Variants in CA8 observed in about 807,000 individuals in gnomAD.
CA8 encodes the protein carbonic anhydrase 8 (inactive), also known as carbonic anhydrase-related protein.
In CA8, 22 loss-of-function variants were observed where a neutral mutation model predicts 41.4. That is an observed-to-expected ratio of 0.53 (90% confidence interval 0.38 to 0.76). CA8 has a LOEUF of 0.76. Ranked by LOEUF, CA8 falls within the 30% of genes least tolerant of loss-of-function variation. CA8 has a pLI of 0.00. For missense variants in CA8, 270 were observed against 352.8 expected (o/e 0.77, Z 1.88); for synonymous variants, 121 against 130.6 (o/e 0.93, Z 0.50).
rs1204463169 is a variant in CA8 at position 60,232,290 on chromosome 8, A to G, written c.507T>C (p.Phe169=). The part of the protein sequence containing the change: ...KPHGIAIIAL[F]VQIGKEHVGL... ...ATCACAGCAGACCGTTTACCTGAAC[A>G]AACAGAGCAATGATGGCGATTCCGT... is the stretch of plus-strand genomic sequence containing the variant. The change falls in exon 4 of 9, where the codon TTT becomes TTC. Residue 169 remains phenylalanine, a synonymous_variant. Coordinates refer to ENST00000317995, the MANE Select transcript of CA8 (RefSeq NM_004056.6). 8.7e-6 allele frequency: 14 copies of G among 1,611,420 alleles called. No homozygotes were observed. The highest frequency in any genetic ancestry group is 1.1e-5 in the Non-Finnish European group (13 of 1,177,608).
intron 7 of CA8, among the ~76,000 whole-genome samples, chr8:60,219,027 A>G (rs1807133284): frequency 6.6e-6 from 1 of 151,908 alleles, no homozygotes; most frequent in South Asian, 2.1e-4. Flanking sequence ...AGTTTAGAAG[A>G]GTCTTAGAAA....
At chr8:60,199,275 C>A (rs1291716177) in intron 8 of CA8, among the ~76,000 whole-genome samples, 3 of 151,942 alleles carry the variant, frequency 2.0e-5, no homozygotes, top group Non-Finnish European at 2.9e-5. Flanking sequence ...TATCAGACAA[C>A]AAAGGTTTAT....
At chr8:60,244,879 T>A (rs917942216) in intron 3 of CA8, among the ~76,000 whole-genome samples, 2 of 152,182 alleles carry the variant, frequency 1.3e-5, no homozygotes, top group African/African-American at 2.4e-5. Context: ...ACCTGTTTAT[T>A]AGAAATAGGG....
chr8:60,235,409 G>A (rs967870599), intron 3 of CA8, among the ~76,000 whole-genome samples: 4 of 152,124 alleles, frequency 2.6e-5, no homozygotes, highest in South Asian at 2.1e-4. Context: ...TCCAAATACA[G>A]CCACAGTCTG....
At chr8:60,204,171 T>C (rs1806510752) in intron 8 of CA8, among the ~76,000 whole-genome samples, 2 of 152,250 alleles carry the variant, frequency 1.3e-5, no homozygotes, top group Admixed American at 1.3e-4. Context: ...TTGCTGATAC[T>C]TGAAAGCCAT....
intron 5 of CA8, among the ~76,000 whole-genome samples, chr8:60,226,023 C>T (rs1350805059): frequency 6.6e-6 from 1 of 152,206 alleles, no homozygotes; most frequent in East Asian, 1.9e-4. Flanking sequence ...TAGGCCATAT[C>T]ATGGCAGGGT....
chr8:60,233,191 A>G (rs1010805059), intron 3 of CA8, among the ~76,000 whole-genome samples: 3 of 152,250 alleles, frequency 2.0e-5, no homozygotes, highest in African/African-American at 7.2e-5. Context: ...TATTACCTTC[A>G]TCACTATAGC....
intron 3 of CA8, among the ~76,000 whole-genome samples, chr8:60,242,182 A>G (rs915885131): frequency 6.6e-6 from 1 of 152,234 alleles, no homozygotes; most frequent in African/African-American, 2.4e-5. Flanking sequence ...TGCACAATCG[A>G]AATGTTAAAG....
chr8:60,233,278 C>T (rs1807721426), intron 3 of CA8, among the ~76,000 whole-genome samples: 1 of 152,188 alleles, frequency 6.6e-6, no homozygotes, highest in Non-Finnish European at 1.5e-5. Flanking sequence ...AAAGACATAG[C>T]TAAAATTCAA....
intron 8 of CA8, among the ~76,000 whole-genome samples, chr8:60,192,424 T>C (rs1270750092): frequency 6.6e-6 from 1 of 152,154 alleles, no homozygotes; most frequent in South Asian, 2.1e-4. Context: ...TTTTGGTTGA[T>C]TTTAAAATCA....
chr8:60,217,358 G>A (rs1478705604), intron 7 of CA8, among the ~76,000 whole-genome samples: 2 of 152,126 alleles, frequency 1.3e-5, no homozygotes, highest in African/African-American at 4.8e-5. Flanking sequence ...AACTGAATGT[G>A]TGTGCAGAAT....
chr8:60,188,152 T>C lies in CA8; in HGVS notation c.*1869A>G, dbSNP rs958425521. 1 of 152,138 alleles carries C rather than the reference T, an allele frequency of 6.6e-6. No homozygotes were observed. Among genetic ancestry groups the C allele is most frequent in the Non-Finnish European group, 1.5e-5 (1 of 68,012 alleles). The allele number at this position is 152,138 out of a possible 1,614,324, so 9.4% of individuals were successfully genotyped here. On this transcript the variant is annotated 3_prime_UTR_variant, in exon 9 of 9. Coordinates refer to ENST00000317995, the MANE Select transcript of CA8 (RefSeq NM_004056.6). Reference sequence around the variant, plus strand: ...AAAATATACAGTAAATAAATTCAAATTGCTTCAATATACAGACATAAACAC... The same window carrying C: ...AAAATATACAGTAAATAAATTCAAACTGCTTCAATATACAGACATAAACAC...
chr8:60,273,452 G>A (rs930965894), intron 2 of CA8, among the ~76,000 whole-genome samples: 3 of 152,232 alleles, frequency 2.0e-5, no homozygotes, highest in Non-Finnish European at 4.4e-5. Context: ...GCCACTCAGA[G>A]AGCCTATCAC....
intron 8 of CA8, among the ~76,000 whole-genome samples, chr8:60,196,142 G>A (rs187006634): frequency 2.0e-4 from 30 of 152,140 alleles, no homozygotes; most frequent in Middle Eastern, 3.4e-3. Context: ...AAATCTTACC[G>A]AAAACTATAT....
intron 3 of CA8, among the ~76,000 whole-genome samples, chr8:60,259,740 CTTTTT>C (rs1203317962): frequency 1.4e-5 from 2 of 138,262 alleles, no homozygotes; most frequent in Admixed American, 7.3e-5. Context: ...AATTTGTTTG[CTTTTT>C]TTTTTTTTTG....
chr8:60,274,975 G>A (rs1368774422), intron 2 of CA8, among the ~76,000 whole-genome samples: 3 of 152,068 alleles, frequency 2.0e-5, no homozygotes, highest in Non-Finnish European at 4.4e-5. Context: ...ATCATGCATG[G>A]TCAGGCATGA....
chr8:60,235,732 C>T (rs1259547361), intron 3 of CA8, among the ~76,000 whole-genome samples: 1 of 152,136 alleles, frequency 6.6e-6, no homozygotes, highest in Admixed American at 6.5e-5. Flanking sequence ...ATAAGTCTGG[C>T]AATGACAAGA....
At chr8:60,258,963 A>T (rs1803644855) in intron 3 of CA8, among the ~76,000 whole-genome samples, 1 of 152,182 alleles carries the variant, frequency 6.6e-6, no homozygotes, top group Non-Finnish European at 1.5e-5. Context: ...ATACTCGCCC[A>T]TTTAGAAAAA....
intron 4 of CA8, among the ~76,000 whole-genome samples, chr8:60,231,848 C>T (rs548048462): frequency 6.6e-6 from 1 of 152,198 alleles, no homozygotes; most frequent in South Asian, 2.1e-4. Context: ...ATCAGTGTTT[C>T]CTATAAGGCA....
Sources: gnomAD v4.1 joint callset for allele counts (sites outside exome capture counted in the v4.1 genomes callset) on GRCh38, gnomAD v4.1.1 for gene constraint, MANE v1.5 for transcripts, NCBI Gene and HGNC (gene_info 2026-07-23, HGNC 2026-07-21) for gene names.